RHPN2: variants seen among roughly 807,000 people sequenced by gnomAD.
RHPN2 encodes rhophilin Rho GTPase binding protein 2.
In RHPN2, 40 loss-of-function variants were observed where a neutral mutation model predicts 79.0. That is an observed-to-expected ratio of 0.51 (90% confidence interval 0.39 to 0.66). The LOEUF (loss-of-function observed/expected upper bound fraction) is 0.66. RHPN2 is among the 30% of genes least tolerant of loss of function. The pLI, the probability that RHPN2 is intolerant of heterozygous loss-of-function variation, is 0.00. For synonymous variants in RHPN2, 285 were observed against 363.5 expected, an observed-to-expected ratio of 0.78 and a Z score of 2.46; for missense variants, 686 against 883.5, an observed-to-expected ratio of 0.78 and a Z score of 2.83.
chr19:33,050,396 C>A (rs10425324), intron 1 of RHPN2, among the ~76,000 whole-genome samples: 5 of 151,920 alleles, frequency 3.3e-5, no homozygotes, highest in Non-Finnish European at 7.4e-5. Context: ...AATTGAGATA[C>A]AATTTATATA....
intron 3 of RHPN2, among the ~76,000 whole-genome samples, chr19:33,026,288 T>C (rs1971966016): frequency 6.6e-6 from 1 of 152,070 alleles, no homozygotes; most frequent in African/African-American, 2.4e-5. Flanking sequence ...CACAAATGCC[T>C]TTTTGTCCAA....
intron 1 of RHPN2, among the ~76,000 whole-genome samples, chr19:33,050,828 G>C (rs11673329): frequency 6.7e-6 from 1 of 150,086 alleles, no homozygotes; most frequent in African/African-American, 2.5e-5. Flanking sequence ...GCAGGCACCC[G>C]CCACCACACC....
chr19:33,019,847 A>C (rs1971908907), intron 4 of RHPN2, among the ~76,000 whole-genome samples: 1 of 152,182 alleles, frequency 6.6e-6, no homozygotes, highest in African/African-American at 2.4e-5. Flanking sequence ...TAATTCCTAT[A>C]ACCAATGCCT....
intron 7 of RHPN2, among the ~76,000 whole-genome samples, chr19:33,006,447 A>G (rs552575938): frequency 2.6e-5 from 4 of 152,270 alleles, no homozygotes; most frequent in Admixed American, 2.0e-4. Context: ...AAATTTCACG[A>G]TGAGTCAAAG....
chr19:33,045,665 G>C (rs12460036), intron 1 of RHPN2, among the ~76,000 whole-genome samples: 40,966 of 151,876 alleles, frequency 0.27, 5,750 homozygotes, highest in South Asian at 0.54. Flanking sequence ...GTAGAGACAG[G>C]GTTTCGCCAT....
chr19:33,028,347 G>A (rs1971984182), intron 2 of RHPN2, among the ~76,000 whole-genome samples: 1 of 152,036 alleles, frequency 6.6e-6, no homozygotes, highest in African/African-American at 2.4e-5. Context: ...TGTAGAGATG[G>A]AGTCTCACTA....
At chr19:33,049,734 G>A (rs939404884) in intron 1 of RHPN2, among the ~76,000 whole-genome samples, 1 of 152,108 alleles carries the variant, frequency 6.6e-6, no homozygotes, top group African/African-American at 2.4e-5. Context: ...GGGTCGGCCC[G>A]CTTATGTGGA....
At chr19:32,999,532 A>T in intron 10 of RHPN2, 54 bp downstream of exon 10, 1 of 1,589,996 alleles carries the variant, frequency 6.3e-7, no homozygotes, top group Non-Finnish European at 8.6e-7. Flanking sequence ...GGCTGTGAGC[A>T]GGACCAGCTG....
At chr19:33,044,396 G>C (rs1164008145) in intron 1 of RHPN2, 32 bp from the exon 2 acceptor site, 3 of 1,418,228 alleles carry the variant, frequency 2.1e-6, no homozygotes, top group Non-Finnish European at 2.0e-6. Flanking sequence ...CCCTTCAGAG[G>C]TCGGCCACTC....
chr19:33,014,868 A>G (rs1290960521), intron 4 of RHPN2, among the ~76,000 whole-genome samples: 1 of 152,142 alleles, frequency 6.6e-6, no homozygotes, highest in Non-Finnish European at 1.5e-5. Flanking sequence ...AGGTGGGAGA[A>G]TCACTTGAGA....
intron 3 of RHPN2, among the ~76,000 whole-genome samples, chr19:33,022,857 TC>T (rs1971935819): frequency 6.6e-6 from 1 of 152,084 alleles, no homozygotes; most frequent in Admixed American, 6.6e-5. Flanking sequence ...GTGAGTCCCA[TC>T]CGGGGGCATG....
intron 2 of RHPN2, among the ~76,000 whole-genome samples, chr19:33,042,250 C>A (rs1432660740): frequency 6.6e-6 from 1 of 151,958 alleles, no homozygotes; most frequent in African/African-American, 2.4e-5. Flanking sequence ...TTGTCCACTC[C>A]TAGGAAAGCC....
chr19:32,986,629 A>G (rs1971614823), intron 14 of RHPN2, among the ~76,000 whole-genome samples: 1 of 151,904 alleles, frequency 6.6e-6, no homozygotes, highest in African/African-American at 2.4e-5. Context: ...CCCTGTCTCC[A>G]CTAAAAATAC....
chr19:32,997,130 C>A (rs1397607327), intron 10 of RHPN2, among the ~76,000 whole-genome samples: 1 of 151,528 alleles, frequency 6.6e-6, no homozygotes, highest in African/African-American at 2.4e-5. Flanking sequence ...AACTCCTGGC[C>A]TCAAGCAATC....
chr19:33,006,593 G>T (rs577500397), intron 7 of RHPN2, among the ~76,000 whole-genome samples: 2 of 152,184 alleles, frequency 1.3e-5, no homozygotes, highest in Non-Finnish European at 2.9e-5. Context: ...TAGAGCTAGC[G>T]TGGGGAACAC....
At chr19:33,023,295 C>T (rs558160218) in intron 3 of RHPN2, among the ~76,000 whole-genome samples, 75 of 151,768 alleles carry the variant, frequency 4.9e-4, no homozygotes, top group African/African-American at 1.8e-3. Flanking sequence ...ACTACCTGGG[C>T]ATGGTGATGT....
At chr19:33,026,806 C>A (rs1599824045) in intron 2 of RHPN2, 174 bp from the exon 3 acceptor site, 1 of 649,914 alleles carries the variant, frequency 1.5e-6, no homozygotes, top group East Asian at 3.1e-5. Flanking sequence ...GCTTGCAGCA[C>A]ACCTGCCAGT....
chr19:32,981,826 C>T (rs966082507), intron 14 of RHPN2, among the ~76,000 whole-genome samples: 1 of 150,504 alleles, frequency 6.6e-6, no homozygotes, highest in Non-Finnish European at 1.5e-5. Flanking sequence ...TTATGCTCCA[C>T]TGCCACCATC....
chr19:33,011,806 G>T lies in RHPN2; in HGVS notation c.469-3C>A, dbSNP rs1383122753. On this transcript the variant is annotated splice_region_variant and splice_polypyrimidine_tract_variant and intron_variant, in intron 5 of 14. Transcript: ENST00000254260. Reference sequence around the variant, plus strand: ...TCCCGGCTAGGCGTCCGACAAGCCTGCAAGGAAAAGAACCCAAGAGGGCAT... The same window carrying T: ...TCCCGGCTAGGCGTCCGACAAGCCTTCAAGGAAAAGAACCCAAGAGGGCAT... 1 of 1,613,948 alleles carries T rather than the reference G, an allele frequency of 6.2e-7. No homozygotes were observed. Among genetic ancestry groups the T allele is most frequent in the African/African-American group, 1.3e-5 (1 of 75,050 alleles).
Sources: gnomAD v4.1 joint callset for allele counts (sites outside exome capture counted in the v4.1 genomes callset) on GRCh38, gnomAD v4.1.1 for gene constraint, MANE v1.5 for transcripts, NCBI Gene and HGNC (gene_info 2026-07-23, HGNC 2026-07-21) for gene names.